The following TAF1A variants were observed in gnomAD, a reference collection of about 807,000 sequenced individuals.
TAF1A encodes the protein TATA-box binding protein associated factor, RNA polymerase I subunit A, also known as TATA box-binding protein-associated factor RNA polymerase I subunit A.
TAF1A carries 42 observed loss-of-function variants against 61.6 expected under a neutral mutation model. That is an observed-to-expected ratio of 0.68 (90% CI 0.53 to 0.88). TAF1A has a LOEUF of 0.88. Among genes scored for constraint, TAF1A ranks in the 40% least tolerant of loss-of-function variants. The probability of loss-of-function intolerance (pLI) is 0.00; values close to 1 mark genes in which losing one functional copy is unlikely to be tolerated. For missense variants in TAF1A, 424 were observed against 518.7 expected, an observed-to-expected ratio of 0.82 and a Z score of 1.77; for synonymous variants, 179 against 177.7, an observed-to-expected ratio of 1.01 and a Z score of -0.06.
At chr1:222,559,347 G>A (rs1290608913) in intron 10 of TAF1A, among the ~76,000 whole-genome samples, 1 of 152,222 alleles carries the variant, frequency 6.6e-6, no homozygotes, top group Non-Finnish European at 1.5e-5. Flanking sequence ...GCAAGGTGGA[G>A]ACCATGTAGC....
chr1:222,582,672 A>G lies in TAF1A; in HGVS notation c.291+1456T>C, dbSNP rs1660831796. On this transcript the variant is annotated intron_variant, in intron 3 of 10. Coordinates refer to ENST00000352967, the MANE Select transcript of TAF1A (RefSeq NM_005681.4). Reference sequence around the variant, plus strand: ...TGTTCGCAGAAGCATTATTTCCAATAACCGAAAAGCAAAAACAACCTAAGT... The same window carrying G: ...TGTTCGCAGAAGCATTATTTCCAATGACCGAAAAGCAAAAACAACCTAAGT... Among the ~76,000 whole-genome samples the G allele has an allele frequency of 5.3e-5, 8 of 152,248 alleles. No homozygotes were observed. The South Asian group carries it at 1.7e-3, about 31-fold the overall frequency.
At chr1:222,587,201 T>G (rs1432184510) in intron 2 of TAF1A, among the ~76,000 whole-genome samples, 1 of 152,238 alleles carries the variant, frequency 6.6e-6, no homozygotes, top group Non-Finnish European at 1.5e-5. Context: ...GGCACTATTA[T>G]TTTTCAACAC....
chr1:222,566,009 G>C (rs1480351847), intron 7 of TAF1A, among the ~76,000 whole-genome samples: 1 of 152,310 alleles, frequency 6.6e-6, no homozygotes, highest in East Asian at 1.9e-4. Flanking sequence ...AAAGAAAACA[G>C]AGATAAGAAC....
At chr1:222,582,007 A>G (rs1571826397) in intron 3 of TAF1A, among the ~76,000 whole-genome samples, 1 of 152,350 alleles carries the variant, frequency 6.6e-6, no homozygotes, top group South Asian at 2.1e-4. Context: ...TTTCATATAC[A>G]CCTATACATA....
intron 10 of TAF1A, 53 bp downstream of exon 10, chr1:222,561,311 A>T: frequency 6.5e-7 from 1 of 1,548,238 alleles, no homozygotes; most frequent in Non-Finnish European, 8.7e-7. Context: ...ATACTTCATA[A>T]TTTCAAAATC....
intron 1 of TAF1A, among the ~76,000 whole-genome samples, chr1:222,588,805 A>C (rs1218818731): frequency 6.6e-6 from 1 of 152,252 alleles, no homozygotes; most frequent in Non-Finnish European, 1.5e-5. Context: ...TAAATAAGAT[A>C]CTGCCCCTCT....
intron 2 of TAF1A, among the ~76,000 whole-genome samples, 183 bp from the exon 3 acceptor site, chr1:222,584,480 A>G (rs1464644842): frequency 6.6e-6 from 1 of 152,214 alleles, no homozygotes; most frequent in Non-Finnish European, 1.5e-5. Context: ...AATTATTTTT[A>G]GCAGATAAAA....
chr1:222,555,329 C>T (rs1263319568), downstream of TAF1A, among the ~76,000 whole-genome samples: 5 of 152,192 alleles, frequency 3.3e-5, no homozygotes, highest in Admixed American at 6.5e-5. Context: ...CATTACTCAA[C>T]GTCCTTTGAT....
rs964031333 is a variant in TAF1A, at chr1:222,570,813, T to C, written c.605-148A>G. The C allele has an allele frequency of 1.5e-5, 11 of 729,480 alleles. No individual in the cohort carries two copies. The South Asian group carries it at 3.0e-4, about 20-fold the overall frequency. The allele number at this position is 729,480 out of a possible 1,614,324, so 45.2% of individuals were successfully genotyped here. On this transcript the variant is annotated intron_variant, in intron 5 of 10. Transcript: ENST00000352967. The stretch of plus-strand genomic sequence containing the variant: ...ACAAATATTTAAAGGAAAATACTAA[T>C]TCTTCACAAATTCTCCCAAAAAAAG...
At chr1:222,570,807 TACTAATTCTTC>T (rs1660321208) in intron 5 of TAF1A, 142 bp from the exon 6 acceptor site, 1 of 751,076 alleles carries the variant, frequency 1.3e-6, no homozygotes, top group Non-Finnish European at 2.0e-6. Flanking sequence ...TAAAGGAAAA[TACTAATTCTTC>T]ACAAATTCTC....
Position 222,570,550 on chromosome 1 carries a change from C to T in TAF1A, c.720G>A (p.Val240=), listed in dbSNP as rs1262097979. The T allele has an allele frequency of 6.2e-7, 1 of 1,611,026 alleles. No individual in the cohort carries two copies. The highest frequency in any genetic ancestry group is 1.1e-5 in the South Asian group (1 of 90,746). ...TTCTACTTACTTCTACATAACTCTTCACAAAAGGGTCCCAAACTCCAGGAA... is the reference window on the plus strand; with the variant it reads ...TTCTACTTACTTCTACATAACTCTTTACAAAAGGGTCCCAAACTCCAGGAA... ...IKIPGVWDPF[V]KSYVEMLEFY... The change falls in exon 6 of 11, where the codon GTG becomes GTA. Residue 240 remains valine (V), a synonymous_variant. Coordinates refer to ENST00000352967, the MANE Select transcript of TAF1A (RefSeq NM_005681.4).
chr1:222,570,552 C>CA lies in TAF1A; in HGVS notation c.717dup (p.Val240CysfsTer27), dbSNP rs772654592. The CA allele has an allele frequency of 3.2e-5, 51 of 1,610,858 alleles. No homozygotes were observed. Among genetic ancestry groups the CA allele is most frequent in the Non-Finnish European group, 4.1e-5 (48 of 1,177,946 alleles). ...CTACTTACTTCTACATAACTCTTCA[C>CA]AAAAGGGTCCCAAACTCCAGGAATT... On this transcript the variant is annotated frameshift_variant, in exon 6 of 11. Transcript: ENST00000352967. LOFTEE classifies it high-confidence loss of function.
chr1:222,584,778 G>A (rs1052926839), intron 2 of TAF1A, among the ~76,000 whole-genome samples: 1 of 152,132 alleles, frequency 6.6e-6, no homozygotes, highest in Non-Finnish European at 1.5e-5. Flanking sequence ...TAAAACAGTT[G>A]CAAAAATTAG....
In TAF1A at chr1:222,564,169, G is replaced by C. The variant is rs915619345; in HGVS notation, c.895-44C>G. On this transcript the variant is annotated intron_variant, in intron 7 of 10. Transcript: ENST00000352967. Reference sequence around the variant, plus strand: ...TTGTAATCTTTACATACTTGTAAAAGCATTTCTCAAATTTCAGCTTACTTT... The same window carrying C: ...TTGTAATCTTTACATACTTGTAAAACCATTTCTCAAATTTCAGCTTACTTT... 7 of 1,255,704 alleles carry C rather than the reference G, an allele frequency of 5.6e-6. No homozygotes were observed. In the East Asian group the frequency reaches 1.2e-4, roughly 22 times the overall value. 77.8% of individuals were successfully genotyped at this position (1,255,704 alleles called of 1,614,324 possible). A position where few individuals can be genotyped will look rare whatever the true frequency, so the allele number is the denominator to read the frequency against.
At chr1:222,564,466 G>A (rs1004036248) in intron 7 of TAF1A, among the ~76,000 whole-genome samples, 4 of 151,538 alleles carry the variant, frequency 2.6e-5, no homozygotes, top group Admixed American at 2.6e-4. Flanking sequence ...AGCCAGGACT[G>A]AAGAAAAAAA....
At chr1:222,569,272 A>G (rs2102649521) in intron 7 of TAF1A, 1 of 1,422,234 alleles carries the variant, frequency 7.0e-7, no homozygotes, top group East Asian at 2.8e-5. Context: ...GAGTATTCCA[A>G]CCAGGGTTGC....
intron 10 of TAF1A, 107 bp downstream of exon 10, chr1:222,561,257 T>G: frequency 8.5e-7 from 1 of 1,180,514 alleles, no homozygotes; most frequent in African/African-American, 1.5e-5. Context: ...CTTAAGCACC[T>G]AATATTTTTA....
intron 10 of TAF1A, among the ~76,000 whole-genome samples, chr1:222,559,088 A>G (rs1340101420): frequency 1.3e-5 from 2 of 152,118 alleles, no homozygotes; most frequent in African/African-American, 4.8e-5. Context: ...CTTGTTTTCT[A>G]CTCTTCCTCC....
At chr1:222,573,940 C>A (rs1230970409) in intron 5 of TAF1A, among the ~76,000 whole-genome samples, 2 of 151,560 alleles carry the variant, frequency 1.3e-5, no homozygotes, top group Admixed American at 6.6e-5. Flanking sequence ...CCATTACATG[C>A]TATAACATTA....
Sources: allele counts gnomAD v4.1 joint callset (sites outside exome capture counted in the v4.1 genomes callset), GRCh38; gene constraint gnomAD v4.1.1; transcripts MANE v1.5; gene names NCBI Gene and HGNC (gene_info 2026-07-23, HGNC 2026-07-21).